LRRC49: variants seen among roughly 807,000 people sequenced by gnomAD.
LRRC49 encodes the protein leucine rich repeat containing 49.
A neutral mutation model predicts 83.3 loss-of-function variants in LRRC49; 50 were observed. That is an observed-to-expected ratio of 0.60 (90% confidence interval 0.48 to 0.76). The LOEUF (loss-of-function observed/expected upper bound fraction) is 0.76, where lower values mean the gene tolerates loss of function less well. Ranked by LOEUF, LRRC49 falls within the 30% of genes least tolerant of loss-of-function variation. The pLI is 0.00. For missense variants in LRRC49, 704 were observed against 809.1 expected (o/e 0.87, Z 1.58); for synonymous variants, 286 against 283.3 (o/e 1.01, Z -0.10).
intron 7 of LRRC49, among the ~76,000 whole-genome samples, chr15:70,930,153 A>G (rs929945383): frequency 6.6e-6 from 1 of 152,212 alleles, no homozygotes; most frequent in Non-Finnish European, 1.5e-5. Context: ...CTAAAGCCTT[A>G]TGAAATGTAT....
chr15:70,912,997 TC>T (rs1265918100), intron 6 of LRRC49, among the ~76,000 whole-genome samples: 7 of 152,172 alleles, frequency 4.6e-5, no homozygotes, highest in Non-Finnish European at 7.4e-5. Flanking sequence ...TTTTTTATGT[TC>T]CCTCTCTTTA....
intron 13 of LRRC49, among the ~76,000 whole-genome samples, chr15:71,012,215 G>A (rs1447497477): frequency 6.6e-6 from 1 of 152,108 alleles, no homozygotes; most frequent in Non-Finnish European, 1.5e-5. Context: ...ACTGCTTTCA[G>A]CTTTTAGTAC....
chr15:71,002,761 G>A (rs534214496), intron 11 of LRRC49, among the ~76,000 whole-genome samples: 1 of 151,900 alleles, frequency 6.6e-6, no homozygotes, highest in East Asian at 1.9e-4. Flanking sequence ...GGCCTGTTAC[G>A]AAAAGCCTAA....
intron 2 of LRRC49, chr15:70,882,396 A>C (rs2033284672): frequency 1.5e-6 from 2 of 1,321,444 alleles, no homozygotes; most frequent in Non-Finnish European, 2.1e-6. Flanking sequence ...CAAAGAGATA[A>C]TTATGTGAGT....
chr15:70,893,034 C>T, intron 1 of LRRC49, 92 bp downstream of exon 1: 3 of 1,397,416 alleles, frequency 2.1e-6, no homozygotes, highest in East Asian at 2.3e-5. Flanking sequence ...TTATTAGGAC[C>T]GGCACCGCTG....
chr15:70,894,116 G>A (rs1313415222), intron 2 of LRRC49, among the ~76,000 whole-genome samples: 2 of 152,088 alleles, frequency 1.3e-5, no homozygotes, highest in Non-Finnish European at 2.9e-5. Context: ...GGCTGTTCTC[G>A]AGCTCCTGAG....
At chr15:70,913,029 T>A (rs920833220) in intron 6 of LRRC49, among the ~76,000 whole-genome samples, 1 of 152,316 alleles carries the variant, frequency 6.6e-6, no homozygotes, top group African/African-American at 2.4e-5. Context: ...TCAGATCATA[T>A]TGGCTGTTTT....
chr15:70,873,187 C>G (rs2033087043), exon 2 of LRRC49: 4 of 1,535,862 alleles, frequency 2.6e-6, no homozygotes, highest in Non-Finnish European at 3.5e-6. Context: ...GCCCAGCCAA[C>G]TTGACATAAC....
chr15:71,039,013 G>C (rs1362348381), intron 15 of LRRC49, among the ~76,000 whole-genome samples: 1 of 152,092 alleles, frequency 6.6e-6, no homozygotes, highest in African/African-American at 2.4e-5. Context: ...TTTATCAAGA[G>C]CATAGAGAGA....
intron 11 of LRRC49, among the ~76,000 whole-genome samples, chr15:70,994,646 T>C (rs1460268971): frequency 2.6e-5 from 4 of 152,118 alleles, no homozygotes; most frequent in Non-Finnish European, 5.9e-5. Context: ...AGCTAATTTT[T>C]GTATTTTTTG....
At chr15:70,990,601 C>T (rs1273075423) in intron 11 of LRRC49, among the ~76,000 whole-genome samples, 1 of 152,204 alleles carries the variant, frequency 6.6e-6, no homozygotes, top group Non-Finnish European at 1.5e-5. Context: ...TGAGGCAATG[C>T]CTCACCCTGC....
At chr15:70,890,160 A>G (rs557021415), upstream of LRRC49, among the ~76,000 whole-genome samples, 1 of 152,248 alleles carries the variant, frequency 6.6e-6, no homozygotes, top group African/African-American at 2.4e-5. Flanking sequence ...TTCTTCTCCC[A>G]ATTTTTGATT....
At chr15:71,015,390 A>G (rs2038792861) in intron 14 of LRRC49, among the ~76,000 whole-genome samples, 1 of 152,152 alleles carries the variant, frequency 6.6e-6, no homozygotes, top group South Asian at 2.1e-4. Flanking sequence ...CACCACAGGC[A>G]TTAGATTCTC....
At chr15:70,924,522 C>T (rs950542366) in intron 7 of LRRC49, among the ~76,000 whole-genome samples, 1 of 151,956 alleles carries the variant, frequency 6.6e-6, no homozygotes, top group East Asian at 1.9e-4. Flanking sequence ...ACACTCTTAT[C>T]AGATAAGGAC....
At chr15:70,997,566 C>A (rs2038116647) in intron 11 of LRRC49, among the ~76,000 whole-genome samples, 1 of 152,128 alleles carries the variant, frequency 6.6e-6, no homozygotes, top group Non-Finnish European at 1.5e-5. Flanking sequence ...TCCTGGCCAA[C>A]ATGGCGAAAC....
chr15:70,948,932 G>A (rs974383351), intron 8 of LRRC49, among the ~76,000 whole-genome samples: 13 of 152,238 alleles, frequency 8.5e-5, no homozygotes, highest in African/African-American at 3.1e-4. Flanking sequence ...GTTGGTCTCT[G>A]TTTCAAGTAC....
intron 11 of LRRC49, among the ~76,000 whole-genome samples, chr15:71,005,578 G>C (rs142402699): frequency 5.8e-4 from 89 of 152,180 alleles, no homozygotes; most frequent in African/African-American, 2.0e-3. Flanking sequence ...TGCAGAGGAG[G>C]ATTAGAGCAG....
intron 11 of LRRC49, among the ~76,000 whole-genome samples, chr15:71,000,049 C>T (rs1302755991): frequency 6.6e-6 from 1 of 152,182 alleles, no homozygotes; most frequent in Non-Finnish European, 1.5e-5. Flanking sequence ...GTGGGCTGTT[C>T]AACTTCAAGG....
chr15:70,927,366 G>C (rs560342125), intron 7 of LRRC49, among the ~76,000 whole-genome samples: 251 of 151,850 alleles, frequency 1.7e-3, no homozygotes, highest in South Asian at 3.5e-3. Context: ...TATCATTCTA[G>C]ATGCAGGTCC....
Sources: allele counts gnomAD v4.1 joint callset (sites outside exome capture counted in the v4.1 genomes callset), GRCh38; gene constraint gnomAD v4.1.1; transcripts MANE v1.5; gene names NCBI Gene and HGNC (gene_info 2026-07-23, HGNC 2026-07-21).